FRS2: variants seen among roughly 807,000 people sequenced by gnomAD.
FRS2 encodes fibroblast growth factor receptor substrate 2.
FRS2 carries 8 observed loss-of-function variants against 43.9 expected under a neutral mutation model. The ratio of observed to expected loss-of-function variants is 0.18; its 90% CI spans 0.11 to 0.33. The LOEUF (loss-of-function observed/expected upper bound fraction) is 0.33. FRS2 is among the 10% of genes least tolerant of loss of function. FRS2 has a pLI of 1.00. For missense variants in FRS2, 534 were observed against 627.6 expected, an observed-to-expected ratio of 0.85 and a Z score of 1.59; for synonymous variants, 219 against 220.3, an observed-to-expected ratio of 0.99 and a Z score of 0.05.
In FRS2 at chr12:69,566,284, A is replaced by G. The variant is rs7307286; in HGVS notation, c.-26-2721A>G. ...TTTAAAAACATTCCTTTGGAGCATC[A>G]TCTTTTGAAGCAAAAGCCATACTGT... On this transcript the variant is annotated intron_variant, in intron 4 of 8. Transcript: ENST00000549921. Among the ~76,000 whole-genome samples, 1,517 of 152,266 alleles carry G rather than the reference A, an allele frequency of 1.0e-2. 24 individuals are homozygous for G. Among genetic ancestry groups the G allele is most frequent in the African/African-American group, 0.035 (1,434 of 41,548 alleles).
intron 1 of FRS2, among the ~76,000 whole-genome samples, chr12:69,494,974 A>G (rs1320460090): frequency 6.6e-6 from 1 of 152,090 alleles, no homozygotes; most frequent in East Asian, 1.9e-4. Flanking sequence ...GAGTTTCACC[A>G]TGTTGGCCAG....
chr12:69,499,977 G>C (rs942987783), intron 1 of FRS2, among the ~76,000 whole-genome samples: 4 of 152,042 alleles, frequency 2.6e-5, no homozygotes, highest in African/African-American at 9.7e-5. Flanking sequence ...TGACACTTCA[G>C]TTTTTTTGAG....
chr12:69,505,763 T>G (rs1253277137), intron 1 of FRS2, among the ~76,000 whole-genome samples: 3 of 152,112 alleles, frequency 2.0e-5, no homozygotes, highest in African/African-American at 7.2e-5. Flanking sequence ...CTACATTGAG[T>G]TTGCGTGGAA....
intron 1 of FRS2, among the ~76,000 whole-genome samples, chr12:69,508,721 C>CT (rs1306913806): frequency 8.5e-5 from 13 of 152,224 alleles, no homozygotes; most frequent in Non-Finnish European, 1.8e-4. Flanking sequence ...AGTTTCCGTT[C>CT]TTTTAGTTAT....
At chr12:69,498,477 C>T (rs1275927911) in intron 1 of FRS2, among the ~76,000 whole-genome samples, 1 of 149,178 alleles carries the variant, frequency 6.7e-6, no homozygotes, top group Non-Finnish European at 1.5e-5. Context: ...TTGAATACAG[C>T]CCAACACAAA....
intron 1 of FRS2, among the ~76,000 whole-genome samples, chr12:69,502,421 G>A (rs769568773): frequency 7.9e-5 from 12 of 151,578 alleles, no homozygotes; most frequent in Admixed American, 2.0e-4. Flanking sequence ...TTATTATAGA[G>A]TTGGGGTCTC....
intron 1 of FRS2, among the ~76,000 whole-genome samples, chr12:69,528,497 A>AC (rs1018217985): frequency 2.0e-5 from 3 of 152,182 alleles, no homozygotes; most frequent in Admixed American, 2.0e-4. Context: ...CAAATCTTCT[A>AC]CCACTCTGTT....
intron 1 of FRS2, among the ~76,000 whole-genome samples, chr12:69,515,472 G>A (rs1055994554): frequency 3.3e-5 from 5 of 152,126 alleles, no homozygotes; most frequent in Non-Finnish European, 5.9e-5. Context: ...GCTTAGAAAT[G>A]AGTTACTGAG....
chr12:69,510,670 C>A (rs774625489), intron 1 of FRS2, among the ~76,000 whole-genome samples: 1 of 152,024 alleles, frequency 6.6e-6, no homozygotes, highest in Non-Finnish European at 1.5e-5. Flanking sequence ...TGTCTTGGTT[C>A]AAAGAAACAA....
At chr12:69,478,724 ATG>A (rs59945124) in intron 1 of FRS2, among the ~76,000 whole-genome samples, 10,811 of 146,162 alleles carry the variant, frequency 0.074, 433 homozygotes, top group South Asian at 0.11. Flanking sequence ...ATACATCATT[ATG>A]TGTGTGTGTG....
chr12:69,544,633 G>A (rs1878205036), intron 3 of FRS2, among the ~76,000 whole-genome samples: 1 of 152,070 alleles, frequency 6.6e-6, no homozygotes. Flanking sequence ...CTTGAACCCG[G>A]GAGGAGGGGG....
intron 1 of FRS2, among the ~76,000 whole-genome samples, chr12:69,489,797 C>T (rs1277191141): frequency 1.4e-5 from 2 of 147,546 alleles, no homozygotes; most frequent in East Asian, 2.0e-4. Flanking sequence ...TTAACTGTAC[C>T]TTTTGTGAAG....
intron 1 of FRS2, among the ~76,000 whole-genome samples, chr12:69,484,116 G>A (rs1013307464): frequency 3.1e-5 from 4 of 127,696 alleles, no homozygotes; most frequent in African/African-American, 1.0e-4. Flanking sequence ...ACAGAGTCTC[G>A]CTCTGTCGCC....
intron 1 of FRS2, among the ~76,000 whole-genome samples, chr12:69,508,401 A>G (rs367870784): frequency 1.1e-4 from 17 of 152,216 alleles, no homozygotes; most frequent in African/African-American, 4.1e-4. Flanking sequence ...GTATTTCTCT[A>G]GTGAATGACA....
chr12:69,471,888 A>C (rs1012260849), intron 1 of FRS2, among the ~76,000 whole-genome samples: 5 of 152,026 alleles, frequency 3.3e-5, no homozygotes, highest in Admixed American at 2.6e-4. Context: ...CTTTCCTCCC[A>C]CCCCTGAAAG....
intron 1 of FRS2, among the ~76,000 whole-genome samples, chr12:69,488,615 A>G (rs1363889250): frequency 6.6e-6 from 1 of 152,168 alleles, no homozygotes; most frequent in Non-Finnish European, 1.5e-5. Context: ...ATGCTTGTAT[A>G]TAAAATCCTT....
intron 1 of FRS2, among the ~76,000 whole-genome samples, chr12:69,478,423 TTAAA>T (rs1490533415): frequency 6.6e-6 from 1 of 152,112 alleles, no homozygotes; most frequent in African/African-American, 2.4e-5. Flanking sequence ...TTTAATTAAT[TTAAA>T]TATGAATACC....
intron 1 of FRS2, among the ~76,000 whole-genome samples, chr12:69,513,319 G>T (rs531928840): frequency 6.6e-6 from 1 of 151,350 alleles, no homozygotes; most frequent in East Asian, 1.9e-4. Context: ...AACTATGCTT[G>T]ATTTTGTTCA....
At chr12:69,511,626 G>C (rs778332821) in intron 1 of FRS2, among the ~76,000 whole-genome samples, 4 of 152,130 alleles carry the variant, frequency 2.6e-5, no homozygotes, top group African/African-American at 4.8e-5. Context: ...GATGAATAGA[G>C]GATTAGGTCA....
Sources: gnomAD v4.1 joint callset for allele counts (sites outside exome capture counted in the v4.1 genomes callset) on GRCh38, gnomAD v4.1.1 for gene constraint, MANE v1.5 for transcripts, NCBI Gene and HGNC (gene_info 2026-07-23, HGNC 2026-07-21) for gene names.